Variants in RCAN1 observed in about 807,000 individuals in gnomAD.
The protein encoded by RCAN1 is calcipressin-1.
RCAN1 carries 11 observed loss-of-function variants against 22.9 expected under a neutral mutation model. The observed-to-expected ratio is 0.48, with a 90% CI of 0.30 to 0.79. The LOEUF (loss-of-function observed/expected upper bound fraction) is 0.79. Ranked by LOEUF, RCAN1 falls within the 30% of genes least tolerant of loss-of-function variation. The probability of loss-of-function intolerance (pLI) is 0.06; values close to 1 mark genes in which losing one functional copy is unlikely to be tolerated. For synonymous variants in RCAN1, 136 were observed against 142.3 expected, an observed-to-expected ratio of 0.96 and a Z score of 0.32; for missense variants, 291 against 337.8, an observed-to-expected ratio of 0.86 and a Z score of 1.09.
intron 1 of RCAN1, among the ~76,000 whole-genome samples, chr21:34,584,916 A>G (rs560910013): frequency 6.6e-6 from 1 of 152,348 alleles, no homozygotes; most frequent in Non-Finnish European, 1.5e-5. Flanking sequence ...GGCATTAGAA[A>G]CTGAAAACAA....
At chr21:34,532,799 G>A (rs1016846332) in intron 1 of RCAN1, among the ~76,000 whole-genome samples, 1 of 152,172 alleles carries the variant, frequency 6.6e-6, no homozygotes. Context: ...GATAAATGAA[G>A]TGTAAACCCT....
intron 1 of RCAN1, among the ~76,000 whole-genome samples, chr21:34,568,981 G>A (rs183772740): frequency 1.8e-3 from 273 of 152,328 alleles, no homozygotes; most frequent in Non-Finnish European, 3.0e-3. Flanking sequence ...AGAAACAAAA[G>A]TGAAACCTCT....
chr21:34,521,899 G>A, intron 2 of RCAN1: 1 of 507,008 alleles, frequency 2.0e-6, no homozygotes, highest in South Asian at 2.9e-5. Context: ...ACAGGCACAG[G>A]GACTGCAAAT....
chr21:34,583,307 A>T (rs1362839666), intron 1 of RCAN1, among the ~76,000 whole-genome samples: 1 of 151,484 alleles, frequency 6.6e-6, no homozygotes, highest in Non-Finnish European at 1.5e-5. Context: ...CCTCCCAAGT[A>T]GCTGGGATTA....
At chr21:34,597,757 C>A (rs1467169855) in intron 1 of RCAN1, among the ~76,000 whole-genome samples, 10 of 152,096 alleles carry the variant, frequency 6.6e-5, no homozygotes, top group Non-Finnish European at 1.3e-4. Context: ...TCATTATTTG[C>A]AGGTGATACG....
intron 1 of RCAN1, among the ~76,000 whole-genome samples, chr21:34,567,884 T>C (rs1420296250): frequency 6.6e-6 from 1 of 152,244 alleles, no homozygotes; most frequent in East Asian, 1.9e-4. Context: ...TTCTGCTACA[T>C]GGACAGAAGA....
At chr21:34,590,470 T>A (rs995224173) in intron 1 of RCAN1, among the ~76,000 whole-genome samples, 2 of 152,244 alleles carry the variant, frequency 1.3e-5, no homozygotes, top group Non-Finnish European at 2.9e-5. Context: ...ATTACTCTGA[T>A]CTAGAAGGTA....
chr21:34,571,574 T>C (rs1430702259), intron 1 of RCAN1, among the ~76,000 whole-genome samples: 2 of 152,222 alleles, frequency 1.3e-5, no homozygotes, highest in African/African-American at 2.4e-5. Flanking sequence ...AAATTTTTTT[T>C]GAGACAGGGT....
chr21:34,583,046 TGA>T (rs2123699781), intron 1 of RCAN1, among the ~76,000 whole-genome samples: 1 of 152,274 alleles, frequency 6.6e-6, no homozygotes, highest in East Asian at 1.9e-4. Flanking sequence ...TGAATATAAC[TGA>T]GAGAGCTCAG....
At chr21:34,519,758 A>G (rs575970027) in intron 3 of RCAN1, among the ~76,000 whole-genome samples, 17 of 152,142 alleles carry the variant, frequency 1.1e-4, no homozygotes, top group African/African-American at 3.9e-4. Context: ...CCACTGTGTG[A>G]TTTCCGCCCG....
Position 34,521,780 on chromosome 21 carries a change from ATT to A in RCAN1, c.427-124_427-123del, listed in dbSNP as rs1984578865. On this transcript the variant is annotated intron_variant, in intron 2 of 3. Transcript: ENST00000313806. Reference sequence around the variant, plus strand: ...ATGTCCAGGCGTCAGGACAGGTGTGATTCCAGGACCAATTGTAAGATGGTCTG... The same window carrying A: ...ATGTCCAGGCGTCAGGACAGGTGTGACCAGGACCAATTGTAAGATGGTCTG... The A allele has an allele frequency of 2.2e-5, 17 of 764,208 alleles. No homozygotes were observed. The South Asian group carries it at 3.1e-4, about 14-fold the overall frequency. The allele number at this position is 764,208 out of a possible 1,614,324, so 47.3% of individuals were successfully genotyped here. A position where few individuals can be genotyped will look rare whatever the true frequency, so the allele number is the denominator to read the frequency against.
At chr21:34,612,777 G>A (rs1182439470) in intron 1 of RCAN1, among the ~76,000 whole-genome samples, 1 of 152,194 alleles carries the variant, frequency 6.6e-6, no homozygotes, top group Non-Finnish European at 1.5e-5. Context: ...TCCTCCCCCA[G>A]CTCCAGCTTC....
At chr21:34,523,412 T>C (rs1264413290) in intron 2 of RCAN1, 125 bp downstream of exon 2, 1 of 869,484 alleles carries the variant, frequency 1.2e-6, no homozygotes, top group Non-Finnish European at 1.7e-6. Flanking sequence ...AGTAGGAATT[T>C]TGTCTTTCTC....
At chr21:34,587,733 T>C (rs1312306231) in intron 1 of RCAN1, among the ~76,000 whole-genome samples, 2 of 152,172 alleles carry the variant, frequency 1.3e-5, no homozygotes, top group Non-Finnish European at 2.9e-5. Flanking sequence ...AAAAGTGAAC[T>C]ACTATGACAT....
intron 1 of RCAN1, among the ~76,000 whole-genome samples, chr21:34,533,381 G>T (rs1376753123): frequency 6.6e-6 from 1 of 151,730 alleles, no homozygotes; most frequent in Non-Finnish European, 1.5e-5. Context: ...ATTATTTTGG[G>T]GTTTTTTTAA....
chr21:34,563,790 TATATAG>T lies in RCAN1; in HGVS notation c.253-40086_253-40081del, dbSNP rs1454071051. Among the ~76,000 whole-genome samples, 398 of 84,354 alleles carry T rather than the reference TATATAG, an allele frequency of 4.7e-3. 1 individual carries two copies. The highest frequency in any genetic ancestry group is 0.018 in the South Asian group (38 of 2,062). The allele number at this position is 84,354 out of a possible 152,430, so 55.3% of individuals were successfully genotyped here. On this transcript the variant is annotated intron_variant, in intron 1 of 3. Coordinates refer to ENST00000313806, the MANE Select transcript of RCAN1 (RefSeq NM_004414.7). The stretch of plus-strand genomic sequence containing the variant: ...AAAAAAATATATATATATATATATA[TATATAG>T]AGAGAGAGAGAGAGAGAGAGAGAGG...
At chr21:34,546,339 A>G (rs1035385109) in intron 1 of RCAN1, among the ~76,000 whole-genome samples, 1 of 151,980 alleles carries the variant, frequency 6.6e-6, no homozygotes, top group African/African-American at 2.4e-5. Context: ...CTTTACAGGT[A>G]TATAGTCTAG....
chr21:34,536,664 C>A (rs1985686326), intron 1 of RCAN1, among the ~76,000 whole-genome samples: 1 of 125,754 alleles, frequency 8.0e-6, no homozygotes. Flanking sequence ...CAGGCACACA[C>A]CACGCCGGCA....
chr21:34,609,677 C>A (rs960505392), intron 1 of RCAN1, among the ~76,000 whole-genome samples: 1 of 152,088 alleles, frequency 6.6e-6, no homozygotes, highest in African/African-American at 2.4e-5. Context: ...CCTGAAGTTG[C>A]AGGCAGTAAC....
Sources: allele counts gnomAD v4.1 joint callset (sites outside exome capture counted in the v4.1 genomes callset), GRCh38; gene constraint gnomAD v4.1.1; transcripts MANE v1.5; gene names NCBI Gene and HGNC (gene_info 2026-07-23, HGNC 2026-07-21).